DNAJC3: variants seen among roughly 807,000 people sequenced by gnomAD.
DNAJC3 encodes the protein DnaJ heat shock protein family (Hsp40) member C3.
Under a neutral mutation model 68.6 loss-of-function variants are expected in DNAJC3, and 38 were observed. The observed-to-expected ratio is 0.55, with a 90% confidence interval of 0.43 to 0.73. The LOEUF (loss-of-function observed/expected upper bound fraction) is 0.73, where lower values mean the gene tolerates loss of function less well. Among genes scored for constraint, DNAJC3 ranks in the 30% least tolerant of loss-of-function variants. DNAJC3 has a pLI of 0.00. For synonymous variants in DNAJC3, 203 were observed against 204.0 expected, an observed-to-expected ratio of 1.00 and a Z score of 0.04; for missense variants, 526 against 591.9, an observed-to-expected ratio of 0.89 and a Z score of 1.16.
chr13:95,720,003 C>T (rs566450469), intron 2 of DNAJC3, among the ~76,000 whole-genome samples: 1 of 151,946 alleles, frequency 6.6e-6, no homozygotes, highest in East Asian at 1.9e-4. Flanking sequence ...AGTACAGACA[C>T]AGTTTTTTTT....
intron 4 of DNAJC3, chr13:95,742,919 T>C (rs1214906313): frequency 4.3e-6 from 2 of 466,902 alleles, no homozygotes; most frequent in Non-Finnish European, 8.6e-6. Context: ...GTGTTTTATT[T>C]TTAAGCCCAT....
At chr13:95,754,496 C>G (rs1418932293) in intron 4 of DNAJC3, among the ~76,000 whole-genome samples, 1 of 152,070 alleles carries the variant, frequency 6.6e-6, no homozygotes, top group Admixed American at 6.5e-5. Flanking sequence ...TCATACCTCT[C>G]TTACCTTATA....
intron 4 of DNAJC3, among the ~76,000 whole-genome samples, chr13:95,734,660 T>C (rs764802091): frequency 5.3e-5 from 8 of 152,148 alleles, no homozygotes; most frequent in Non-Finnish European, 8.8e-5. Flanking sequence ...AAAATTCAAA[T>C]ATTTGGTTAC....
chr13:95,741,657 G>A (rs1432414733), intron 4 of DNAJC3, among the ~76,000 whole-genome samples: 1 of 152,062 alleles, frequency 6.6e-6, no homozygotes, highest in Non-Finnish European at 1.5e-5. Context: ...GCATTGGTGG[G>A]ACAACCCTTT....
At chr13:95,725,513 G>A (rs1370928559) in intron 4 of DNAJC3, among the ~76,000 whole-genome samples, 1 of 152,118 alleles carries the variant, frequency 6.6e-6, no homozygotes, top group Non-Finnish European at 1.5e-5. Flanking sequence ...AGTTTATACA[G>A]CTTGCTTGTT....
chr13:95,713,371 G>C (rs543412524), intron 2 of DNAJC3, among the ~76,000 whole-genome samples: 1 of 147,108 alleles, frequency 6.8e-6, no homozygotes, highest in Non-Finnish European at 1.5e-5. Context: ...TGTAGCAACA[G>C]AGTCTCTCTA....
chr13:95,748,515 C>G (rs1440013374), intron 4 of DNAJC3, among the ~76,000 whole-genome samples: 2 of 152,096 alleles, frequency 1.3e-5, no homozygotes, highest in Non-Finnish European at 2.9e-5. Flanking sequence ...ATAGCTAACT[C>G]AGAAATAACC....
At chr13:95,765,070 A>G (rs1031682167) in intron 9 of DNAJC3, among the ~76,000 whole-genome samples, 2 of 152,116 alleles carry the variant, frequency 1.3e-5, no homozygotes, top group African/African-American at 4.8e-5. Context: ...GGGAATGATG[A>G]CAACCTGGTC....
At position 95,688,963 on chromosome 13, in the gene DNAJC3, T is replaced by TGC. The variant is rs1491085401; in HGVS notation, c.82+11627_82+11628insCG. ...GTGTGTGTGTGTGTGTGTGTGTGTG[T>TGC]GTGCGCGCTGTTGGATTTAGTTTGC... On this transcript the variant is annotated intron_variant, in intron 1 of 11. Coordinates refer to ENST00000602402, the MANE Select transcript of DNAJC3 (RefSeq NM_006260.5). Among the ~76,000 whole-genome samples, 198 of 143,416 alleles carry TGC rather than the reference T, an allele frequency of 1.4e-3. 1 individual carries two copies. Among genetic ancestry groups the TGC allele is most frequent in the African/African-American group, 4.8e-3 (181 of 37,776 alleles). The allele number at this position is 143,416 out of a possible 152,430, so 94.1% of individuals were successfully genotyped here. A position where few individuals can be genotyped will look rare whatever the true frequency, so the allele number is the denominator to read the frequency against.
chr13:95,779,353 T>G (rs926970669), intron 9 of DNAJC3, among the ~76,000 whole-genome samples: 1 of 152,122 alleles, frequency 6.6e-6, no homozygotes, highest in Admixed American at 6.5e-5. Context: ...CTCGATCTCC[T>G]GACCTCGTGA....
Position 95,763,425 on chromosome 13 carries a change from CTGCATCTCCT to C in DNAJC3, c.849-217_849-208del, listed in dbSNP as rs1272051165. Among the ~76,000 whole-genome samples, 53 of 152,332 alleles carry C rather than the reference CTGCATCTCCT, an allele frequency of 3.5e-4. No individual in the cohort carries two copies. The East Asian group carries it at 6.2e-3, about 18-fold the overall frequency. ...CACAGGTATGCTTTGTTCTGTCCAT[CTGCATCTCCT>C]ATGGTCATATGTTTTTATTTCCTAA... is the stretch of plus-strand genomic sequence containing the variant. On this transcript the variant is annotated intron_variant, in intron 7 of 11. Coordinates refer to ENST00000602402, the MANE Select transcript of DNAJC3 (RefSeq NM_006260.5).
chr13:95,707,326 C>T (rs568309588), intron 1 of DNAJC3, among the ~76,000 whole-genome samples: 31 of 152,268 alleles, frequency 2.0e-4, no homozygotes, highest in African/African-American at 6.5e-4. Context: ...GGACCCTGCT[C>T]TAGTGCTCTC....
rs775095589 is a variant in DNAJC3, at chr13:95,790,984, C to A, written c.1469C>A (p.Pro490His). 1.2e-6 allele frequency: 2 copies of A among 1,613,574 alleles called. No individual in the cohort carries two copies. Among genetic ancestry groups the A allele is most frequent in the East Asian group, 4.5e-5 (2 of 44,838 alleles). The change falls in exon 12 of 12, where the codon CCC becomes CAC. Residue 490 changes from proline to histidine, a missense_variant. Pro to His is a moderately conservative substitution (Grantham distance 77). Transcript: ENST00000602402. ...TGGAACTCATGGCAAGGGTTCAATC[C>A]CTTCAGCTCAGGCGGACCATTTAGA... ...RSWNSWQGFN[P>H]FSSGGPFRFK... is the part of the protein sequence containing the mutation.
chr13:95,691,867 A>G (rs1357517167), intron 1 of DNAJC3, among the ~76,000 whole-genome samples: 1 of 152,256 alleles, frequency 6.6e-6, no homozygotes, highest in Non-Finnish European at 1.5e-5. Flanking sequence ...AGCCCGGCCA[A>G]CACAGTGAAA....
Position 95,677,208 on chromosome 13 carries a change from C to G in DNAJC3, c.-48C>G. On this transcript the variant is annotated 5_prime_UTR_variant, in exon 1 of 12. Coordinates refer to ENST00000602402, the MANE Select transcript of DNAJC3 (RefSeq NM_006260.5). ...GCTGCTGCCGGAGCGCCGGCGCGTG[C>G]TGGTGGGCCACACACCTTTCCTCCT... 1 of 1,558,274 alleles carries G rather than the reference C, an allele frequency of 6.4e-7. No homozygotes were observed. Among genetic ancestry groups the G allele is most frequent in the Non-Finnish European group, 8.7e-7 (1 of 1,149,234 alleles).
chr13:95,777,078 C>T (rs1883313436), intron 9 of DNAJC3, among the ~76,000 whole-genome samples: 1 of 152,230 alleles, frequency 6.6e-6, no homozygotes, highest in South Asian at 2.1e-4. Flanking sequence ...GTAGTTTCCT[C>T]AGGGAGGTCC....
chr13:95,737,040 A>C (rs1881948434), intron 4 of DNAJC3, among the ~76,000 whole-genome samples: 1 of 151,756 alleles, frequency 6.6e-6, no homozygotes, highest in African/African-American at 2.4e-5. Flanking sequence ...AGGGTTGTTG[A>C]ATTTTGTCAA....
intron 1 of DNAJC3, among the ~76,000 whole-genome samples, chr13:95,696,053 T>G (rs1880430867): frequency 6.6e-6 from 1 of 152,194 alleles, no homozygotes; most frequent in African/African-American, 2.4e-5. Context: ...AAAGAGCCAT[T>G]CCACATGCAT....
At chr13:95,688,519 G>T (rs1469380271) in intron 1 of DNAJC3, among the ~76,000 whole-genome samples, 1 of 143,812 alleles carries the variant, frequency 7.0e-6, no homozygotes, top group Non-Finnish European at 1.5e-5. Context: ...TTTTTCTACA[G>T]TTTTTTTTTT....
Sources: gnomAD v4.1 joint callset for allele counts (sites outside exome capture counted in the v4.1 genomes callset) on GRCh38, gnomAD v4.1.1 for gene constraint, MANE v1.5 for transcripts, NCBI Gene and HGNC (gene_info 2026-07-23, HGNC 2026-07-21) for gene names.